Variants in RAD51B observed in about 807,000 individuals in gnomAD.
RAD51B encodes DNA repair protein RAD51 homolog 2.
A neutral mutation model predicts 42.2 loss-of-function variants in RAD51B; 38 were observed. That is an observed-to-expected ratio of 0.90 (90% CI 0.70 to 1.18). The LOEUF is 1.18. Among genes scored for constraint, RAD51B ranks in the 50% most tolerant of loss-of-function variants. RAD51B has a pLI of 0.00. For synonymous variants in RAD51B, 154 were observed against 145.2 expected (o/e 1.06, Z -0.43); for missense variants, 373 against 400.7 (o/e 0.93, Z 0.59).
chr14:68,676,996 A>C (rs1376997640), intron 11 of RAD51B, among the ~76,000 whole-genome samples: 4 of 152,186 alleles, frequency 2.6e-5, no homozygotes, highest in Admixed American at 6.5e-5. Flanking sequence ...CCACAGCCAA[A>C]GGCCCCAGAG....
intron 7 of RAD51B, among the ~76,000 whole-genome samples, chr14:68,291,265 C>CT (rs1293951634): frequency 6.6e-6 from 1 of 152,092 alleles, no homozygotes; most frequent in African/African-American, 2.4e-5. Context: ...ATGGTGCAAT[C>CT]TCGGCTCACC....
At chr14:67,937,307 C>T (rs948716073) in intron 7 of RAD51B, among the ~76,000 whole-genome samples, 1 of 152,158 alleles carries the variant, frequency 6.6e-6, no homozygotes, top group African/African-American at 2.4e-5. Context: ...ATCCCAGTTA[C>T]AAGCTAGTTA....
At chr14:68,428,375 T>A (rs1001466609) in intron 9 of RAD51B, among the ~76,000 whole-genome samples, 9 of 152,136 alleles carry the variant, frequency 5.9e-5, no homozygotes, top group Non-Finnish European at 1.2e-4. Context: ...TTTATTGTGG[T>A]AAGACCACTT....
At chr14:68,616,744 T>C (rs568371278) in intron 10 of RAD51B, among the ~76,000 whole-genome samples, 1 of 152,298 alleles carries the variant, frequency 6.6e-6, no homozygotes, top group East Asian at 1.9e-4. Flanking sequence ...CAAGGATTGA[T>C]GGGACTTTGT....
intron 7 of RAD51B, among the ~76,000 whole-genome samples, chr14:68,276,744 G>C (rs947107349): frequency 3.3e-5 from 5 of 152,154 alleles, no homozygotes; most frequent in Non-Finnish European, 7.3e-5. Context: ...GTCAGCAGGG[G>C]CCTTCCCTCA....
chr14:68,038,864 T>C (rs1028932155), intron 7 of RAD51B, among the ~76,000 whole-genome samples: 10 of 152,224 alleles, frequency 6.6e-5, no homozygotes, highest in African/African-American at 2.2e-4. Context: ...TCAGTAATTA[T>C]GTTTTACTAC....
chr14:67,854,305 A>G (rs2139954245), intron 4 of RAD51B, among the ~76,000 whole-genome samples: 1 of 152,334 alleles, frequency 6.6e-6, no homozygotes, highest in South Asian at 2.1e-4. Context: ...TGCATAAGAT[A>G]GATGCTATTG....
intron 9 of RAD51B, among the ~76,000 whole-genome samples, chr14:68,424,240 A>G (rs2084780330): frequency 6.6e-6 from 1 of 152,150 alleles, no homozygotes; most frequent in African/African-American, 2.4e-5. Flanking sequence ...TCCACATACT[A>G]ATCCATTTCA....
intron 8 of RAD51B, among the ~76,000 whole-genome samples, chr14:68,325,746 G>C (rs1051115503): frequency 2.6e-5 from 4 of 152,020 alleles, no homozygotes; most frequent in African/African-American, 9.7e-5. Context: ...GGGAGACATC[G>C]ATGATGTTCT....
chr14:68,277,519 G>A (rs1161839452), intron 7 of RAD51B, among the ~76,000 whole-genome samples: 1 of 151,968 alleles, frequency 6.6e-6, no homozygotes, highest in African/African-American at 2.4e-5. Context: ...TAAACTTTAG[G>A]CAAGTCACTT....
At chr14:68,672,338 C>T (rs1435572337) in intron 11 of RAD51B, among the ~76,000 whole-genome samples, 6 of 152,160 alleles carry the variant, frequency 3.9e-5, no homozygotes. Flanking sequence ...ATTCTGAGGC[C>T]TTAAAATGAC....
At chr14:68,193,956 A>G (rs2079316146) in intron 7 of RAD51B, among the ~76,000 whole-genome samples, 1 of 152,210 alleles carries the variant, frequency 6.6e-6, no homozygotes, top group South Asian at 2.1e-4. Context: ...TAGACTGTTT[A>G]CTACCACGAA....
At chr14:67,850,740 A>G (rs1014619863) in intron 4 of RAD51B, among the ~76,000 whole-genome samples, 1 of 152,086 alleles carries the variant, frequency 6.6e-6, no homozygotes, top group Non-Finnish European at 1.5e-5. Flanking sequence ...GTAGTCCCCA[A>G]CCCTGATGAG....
chr14:68,236,393 AC>A (rs2080258353), intron 7 of RAD51B: 1 of 152,136 alleles, frequency 6.6e-6, no homozygotes, highest in African/African-American at 2.4e-5. Flanking sequence ...GTCCCCTGCT[AC>A]TGTAACGTCA....
At chr14:68,376,735 A>G (rs11844524) in intron 8 of RAD51B, among the ~76,000 whole-genome samples, 12,678 of 152,254 alleles carry the variant, frequency 0.083, 1,755 homozygotes, top group African/African-American at 0.29. Context: ...TCAGATTGCA[A>G]TCAAAAGTTG....
chr14:68,388,412 C>G (rs1164629870), intron 8 of RAD51B, among the ~76,000 whole-genome samples: 2 of 152,030 alleles, frequency 1.3e-5, no homozygotes, highest in African/African-American at 4.8e-5. Context: ...CAGTGTTGTT[C>G]TTCTAGTTGG....
chr14:68,339,511 T>C (rs1330399735), intron 8 of RAD51B: 5 of 417,284 alleles, frequency 1.2e-5, no homozygotes, highest in Non-Finnish European at 2.1e-5. Flanking sequence ...TCTCCTTGGC[T>C]TTCTTTCCTT....
At chr14:67,949,337 T>C (rs1566973884) in intron 7 of RAD51B, among the ~76,000 whole-genome samples, 1 of 152,258 alleles carries the variant, frequency 6.6e-6, no homozygotes, top group East Asian at 1.9e-4. Flanking sequence ...TTTGTTGTCA[T>C]TTCAACAATG....
chr14:68,367,753 TA>T (rs1377361756), intron 8 of RAD51B, among the ~76,000 whole-genome samples: 1 of 152,200 alleles, frequency 6.6e-6, no homozygotes, highest in Non-Finnish European at 1.5e-5. Flanking sequence ...CTAACACTGT[TA>T]TTCGTCTTTT....
Sources: allele counts gnomAD v4.1 joint callset (sites outside exome capture counted in the v4.1 genomes callset), GRCh38; gene constraint gnomAD v4.1.1; transcripts MANE v1.5; gene names NCBI Gene and HGNC (gene_info 2026-07-23, HGNC 2026-07-21).